Variants in ROR1 observed in about 807,000 individuals in gnomAD.
ROR1 encodes ROR family WNT receptor 1, also known as inactive tyrosine-protein kinase transmembrane receptor ROR1.
A neutral mutation model predicts 78.8 loss-of-function variants in ROR1; 19 were observed. The ratio of observed to expected loss-of-function variants is 0.24; its 90% CI spans 0.17 to 0.35. The LOEUF is 0.35. Among genes scored for constraint, ROR1 ranks in the 10% least tolerant of loss-of-function variants. The pLI is 1.00. For synonymous variants in ROR1, 386 were observed against 433.6 expected (o/e 0.89, Z 1.36); for missense variants, 917 against 1,177.8 (o/e 0.78, Z 3.24).
Position 63,884,619 on chromosome 1 carries a change from A to G in ROR1, c.91+110111A>G, listed in dbSNP as rs140904752. Among the ~76,000 whole-genome samples the G allele has an allele frequency of 1.9e-3, 291 of 152,264 alleles. 5 individuals are homozygous for G. Among genetic ancestry groups the G allele is most frequent in the Non-Finnish European group, 6.0e-4 (41 of 68,014 alleles). On this transcript the variant is annotated intron_variant, in intron 1 of 8. Coordinates refer to ENST00000371079, the MANE Select transcript of ROR1 (RefSeq NM_005012.4). ...AGGTTAAAGCATTGCCCTTTTTTAA[A>G]TGAATATATTTATTTATTCAGAAAT...
At chr1:64,126,628 G>T (rs1034878695) in intron 4 of ROR1, among the ~76,000 whole-genome samples, 6 of 152,172 alleles carry the variant, frequency 3.9e-5, no homozygotes, top group African/African-American at 1.2e-4. Flanking sequence ...ACCTATCCAA[G>T]GTTGTATGGA....
chr1:64,020,962 G>A (rs57752981), intron 2 of ROR1, among the ~76,000 whole-genome samples: 4,363 of 151,832 alleles, frequency 0.029, 212 homozygotes, highest in African/African-American at 0.1. Context: ...CTTCAGGGAA[G>A]TTTCTGTCAA....
At position 64,178,164 on chromosome 1, in the gene ROR1, G is replaced by A; in HGVS notation, c.2123G>A (p.Arg708Gln). ...NQEVIEMVRK[R>Q]QLLPCSEDCP... The stretch of plus-strand genomic sequence containing the variant: ...GAAGTGATTGAGATGGTGAGAAAAC[G>A]GCAGCTCTTACCATGCTCTGAAGAC... Residue 708 changes from arginine (R) to glutamine (Q), a missense_variant, in exon 9 of 9, where the codon CGG (arginine) becomes CAG (glutamine). By Grantham distance (43) the Arg-to-Gln change is conservative. Around this residue, in one of 3 missense-constraint regions of ROR1, gnomAD observed 835 missense variants for 1,069.8 expected, o/e 0.78. Coordinates refer to ENST00000371079, the MANE Select transcript of ROR1 (RefSeq NM_005012.4). The surrounding 1 kb of genome is among the most constrained non-coding windows in gnomAD (Gnocchi z 4.3). The A allele has an allele frequency of 1.1e-5, 17 of 1,614,062 alleles. No homozygotes were observed. The highest frequency in any genetic ancestry group is 4.5e-5 in the East Asian group (2 of 44,878).
chr1:64,077,368 G>A (rs900189749), intron 4 of ROR1, among the ~76,000 whole-genome samples: 27 of 152,324 alleles, frequency 1.8e-4, no homozygotes, highest in South Asian at 6.2e-4. Flanking sequence ...ACCAAGCAAC[G>A]TTCTTTTGAG....
At chr1:64,064,014 A>T (rs834340) in intron 4 of ROR1, among the ~76,000 whole-genome samples, 19,297 of 152,278 alleles carry the variant, frequency 0.13, 1,308 homozygotes, top group East Asian at 0.17. Flanking sequence ...CAGCAGCAGA[A>T]ACTGTGCCTG....
At chr1:63,823,445 C>CTTTTTTTTTTTTTT (rs11374055) in intron 1 of ROR1, among the ~76,000 whole-genome samples, 1 of 106,172 alleles carries the variant, frequency 9.4e-6, no homozygotes, top group Non-Finnish European at 1.7e-5. Context: ...ACAGACATTA[C>CTTTTTTTTTTTTTT]TTTTTTTTTT....
chr1:64,031,107 A>G (rs1020816079), intron 2 of ROR1, among the ~76,000 whole-genome samples: 2 of 151,658 alleles, frequency 1.3e-5, no homozygotes, highest in African/African-American at 4.8e-5. Flanking sequence ...GACTTGAGCA[A>G]CCCGCCCGCC....
intron 1 of ROR1, among the ~76,000 whole-genome samples, chr1:63,790,818 T>C (rs1161105994): frequency 6.6e-6 from 1 of 152,164 alleles, no homozygotes; most frequent in Non-Finnish European, 1.5e-5. Flanking sequence ...GGGGAGCTCT[T>C]CCTCTCTCTT....
At chr1:64,129,414 G>A (rs1648834708) in intron 4 of ROR1, among the ~76,000 whole-genome samples, 1 of 152,152 alleles carries the variant, frequency 6.6e-6, no homozygotes, top group Admixed American at 6.6e-5. Context: ...TTATTCTAAA[G>A]TCCCATTATT....
At chr1:64,084,847 T>C (rs934642135) in intron 4 of ROR1, among the ~76,000 whole-genome samples, 6 of 152,196 alleles carry the variant, frequency 3.9e-5, no homozygotes, top group Non-Finnish European at 7.3e-5. Flanking sequence ...TGCCCTGCAG[T>C]GGGCTGTGCA....
chr1:63,906,916 C>T (rs1489247760), intron 1 of ROR1, among the ~76,000 whole-genome samples: 1 of 152,054 alleles, frequency 6.6e-6, no homozygotes, highest in Admixed American at 6.6e-5. Flanking sequence ...GTGAATGCTT[C>T]AATATTACTT....
At chr1:64,111,086 C>G (rs1269928762) in intron 4 of ROR1, 2 of 152,132 alleles carry the variant, frequency 1.3e-5, no homozygotes, top group East Asian at 3.9e-4. Context: ...TTGTCAGTCC[C>G]TGGCATCACC....
At chr1:64,173,951 A>G (rs757160014) in intron 8 of ROR1, among the ~76,000 whole-genome samples, 2 of 152,114 alleles carry the variant, frequency 1.3e-5, no homozygotes, top group African/African-American at 2.4e-5. Context: ...TCAAGCTCCA[A>G]AACAAATTCC....
intron 1 of ROR1, among the ~76,000 whole-genome samples, chr1:63,878,257 T>G (rs1474954496): frequency 1.3e-5 from 2 of 152,182 alleles, no homozygotes; most frequent in Non-Finnish European, 2.9e-5. Flanking sequence ...GGAATGCTTG[T>G]GAATGCATTA....
intron 1 of ROR1, among the ~76,000 whole-genome samples, chr1:63,926,537 T>G (rs1408888754): frequency 6.8e-6 from 1 of 147,472 alleles, no homozygotes; most frequent in East Asian, 2.0e-4. Context: ...TTTTTCCAAT[T>G]CTGTGAAGAA....
intron 1 of ROR1, among the ~76,000 whole-genome samples, chr1:63,835,005 C>A (rs1210026328): frequency 6.6e-6 from 1 of 152,054 alleles, no homozygotes; most frequent in East Asian, 1.9e-4. Flanking sequence ...CAACCTCACT[C>A]CTTGAGCCCT....
intron 1 of ROR1, among the ~76,000 whole-genome samples, chr1:63,839,750 T>TC (rs954805915): frequency 6.6e-6 from 1 of 152,194 alleles, no homozygotes; most frequent in African/African-American, 2.4e-5. Flanking sequence ...AGCTTTTTTT[T>TC]CACTTAATAC....
At chr1:63,926,172 A>G (rs1462342798) in intron 1 of ROR1, among the ~76,000 whole-genome samples, 8 of 151,290 alleles carry the variant, frequency 5.3e-5, no homozygotes, top group African/African-American at 1.9e-4. Flanking sequence ...TCTTTAATCC[A>G]TCTTGAATTG....
At chr1:63,861,145 G>A (rs756875932) in intron 1 of ROR1, among the ~76,000 whole-genome samples, 1 of 152,192 alleles carries the variant, frequency 6.6e-6, no homozygotes, top group South Asian at 2.1e-4. Flanking sequence ...GAACACAGCT[G>A]TCCAGGAGGA....
Sources: allele counts gnomAD v4.1 joint callset (sites outside exome capture counted in the v4.1 genomes callset), GRCh38; gene constraint gnomAD v4.1.1; regional missense constraint gnomAD v4.1.1; non-coding constraint Gnocchi (gnomAD v3.1); transcripts MANE v1.5; gene names NCBI Gene and HGNC (gene_info 2026-07-23, HGNC 2026-07-21).